Variants in SLCO1C1 observed in about 807,000 individuals in gnomAD.
SLCO1C1 encodes solute carrier organic anion transporter family member 1C1, also known as OAT-RP-5.
Under a neutral mutation model 76.4 loss-of-function variants are expected in SLCO1C1, and 70 were observed. That is an observed-to-expected ratio of 0.92 (90% CI 0.76 to 1.12). SLCO1C1 has a LOEUF of 1.12. Among genes scored for constraint, SLCO1C1 ranks in the 50% most tolerant of loss-of-function variants. The pLI, the probability that SLCO1C1 is intolerant of heterozygous loss-of-function variation, is 0.00. For missense variants in SLCO1C1, 912 were observed against 823.8 expected (o/e 1.11, Z -1.31); for synonymous variants, 306 against 286.1 (o/e 1.07, Z -0.70).
rs534760200 is a variant in SLCO1C1 at position 20,695,516 on chromosome 12, A to T, written c.-317A>T. 3.9e-5 allele frequency: 6 copies of T among 152,326 alleles called. No individual in the cohort carries two copies. In the South Asian group the frequency reaches 1.0e-3, roughly 26 times the overall value. 9.4% of individuals were successfully genotyped at this position (152,326 alleles called of 1,614,324 possible). On this transcript the variant is annotated 5_prime_UTR_variant, in exon 1 of 15. An upstream start codon of the reference 5' UTR is lost. Transcript: ENST00000266509. ...CTCTTTCTGTGCCCTGGGAGCTGAG[A>T]TGCACGTCAGTGGCCTTGCCAGCGT...
intron 3 of SLCO1C1, 65 bp downstream of exon 3, chr12:20,701,524 A>C (rs1592218628): frequency 1.6e-6 from 2 of 1,249,358 alleles, no homozygotes; most frequent in Non-Finnish European, 2.1e-6. Context: ...GCTAAAGAAC[A>C]CCTTCTGCAT....
chr12:20,713,773 G>C, intron 5 of SLCO1C1, among the ~76,000 whole-genome samples: 1 of 152,142 alleles, frequency 6.6e-6, no homozygotes, highest in Admixed American at 6.5e-5. Context: ...TGACTATTGG[G>C]TATTTGAAAT....
intron 5 of SLCO1C1, among the ~76,000 whole-genome samples, chr12:20,713,230 C>A (rs532005892): frequency 0.01 from 1,528 of 151,812 alleles, 17 homozygotes; most frequent in African/African-American, 0.035. Flanking sequence ...CAGGCGCCCG[C>A]TACCACGCCC....
At chr12:20,750,602 G>A in intron 13 of SLCO1C1, 73 bp from the exon 14 acceptor site, 2 of 1,339,326 alleles carry the variant, frequency 1.5e-6, no homozygotes, top group South Asian at 1.2e-5. Flanking sequence ...TAAAGTAAGT[G>A]GTTTCAGATA....
intron 13 of SLCO1C1, among the ~76,000 whole-genome samples, chr12:20,744,949 A>G (rs1016173922): frequency 1.3e-5 from 2 of 152,196 alleles, no homozygotes; most frequent in African/African-American, 2.4e-5. Flanking sequence ...TGAATGGGAA[A>G]AATCTATCTA....
chr12:20,741,348 A>G (rs527639880), intron 12 of SLCO1C1, among the ~76,000 whole-genome samples: 370 of 152,330 alleles, frequency 2.4e-3, no homozygotes, highest in African/African-American at 8.3e-3. Context: ...AGCTTCTTGC[A>G]TATTTATAAA....
chr12:20,700,652 A>G (rs1229197737), intron 2 of SLCO1C1, among the ~76,000 whole-genome samples: 1 of 151,266 alleles, frequency 6.6e-6, no homozygotes, highest in Admixed American at 6.6e-5. Flanking sequence ...GTGTGCTCCT[A>G]TTCTTTCTTT....
At chr12:20,720,082 G>C (rs938112385) in intron 7 of SLCO1C1, among the ~76,000 whole-genome samples, 7 of 152,122 alleles carry the variant, frequency 4.6e-5, no homozygotes, top group African/African-American at 1.7e-4. Context: ...CTACACATAG[G>C]CTCTTCCTGT....
chr12:20,706,210 C>T lies in SLCO1C1; in HGVS notation c.404+129C>T, dbSNP rs1946768824. ...CTTTGTCTTACTTTTATTACATTCT[C>T]TTTGGATAAAATTTCACAACAATTT... On this transcript the variant is annotated intron_variant, in intron 4 of 14. Coordinates refer to ENST00000266509, the MANE Select transcript of SLCO1C1 (RefSeq NM_017435.5). 3.4e-6 allele frequency: 4 copies of T among 1,181,360 alleles called. No individual in the cohort carries two copies. In the South Asian group the frequency reaches 8.5e-5, roughly 25 times the overall value. 73.2% of individuals were successfully genotyped at this position (1,181,360 alleles called of 1,614,324 possible). A position where few individuals can be genotyped will look rare whatever the true frequency, so the allele number is the denominator to read the frequency against.
At chr12:20,706,137 T>C in intron 4 of SLCO1C1, 56 bp downstream of exon 4, 5 of 1,516,580 alleles carry the variant, frequency 3.3e-6, no homozygotes, top group South Asian at 2.7e-5. Flanking sequence ...CATTTCTCCC[T>C]TTTATGATGA....
intron 4 of SLCO1C1, 123 bp downstream of exon 4, chr12:20,706,204 C>A: frequency 8.2e-7 from 1 of 1,218,234 alleles, no homozygotes; most frequent in Non-Finnish European, 1.1e-6. Context: ...ACTTTTATTA[C>A]ATTCTCTTTG....
At chr12:20,743,158 T>A in intron 12 of SLCO1C1, 147 bp from the exon 13 acceptor site, 1 of 603,390 alleles carries the variant, frequency 1.7e-6, no homozygotes. Context: ...TATTTTGCCC[T>A]CCCTATGTTA....
rs542734538 is a variant in SLCO1C1 at position 20,723,267 on chromosome 12, G to A, written c.1186+13G>A. 12 of 1,611,446 alleles carry A rather than the reference G, an allele frequency of 7.4e-6. No individual in the cohort carries two copies. The East Asian group carries it at 2.2e-4, about 30-fold the overall frequency. ...AACTTTGTGATCGGTATGCTCATCTGCCTTTCATGCTTTCTCAGAGGGACT... is the reference window on the plus strand; with the variant it reads ...AACTTTGTGATCGGTATGCTCATCTACCTTTCATGCTTTCTCAGAGGGACT... On this transcript the variant is annotated intron_variant, in intron 9 of 14. Transcript: ENST00000266509.
At chr12:20,749,492 A>G (rs986568041) in intron 13 of SLCO1C1, among the ~76,000 whole-genome samples, 3 of 152,222 alleles carry the variant, frequency 2.0e-5, no homozygotes, top group Admixed American at 6.5e-5. Context: ...GAAATCTCCT[A>G]GGTTTCAGCT....
chr12:20,750,765 G>A lies in SLCO1C1; in HGVS notation c.1889G>A (p.Cys630Tyr). 1 of 1,613,996 alleles carries A rather than the reference G, an allele frequency of 6.2e-7. No homozygotes were observed. Among genetic ancestry groups the A allele is most frequent in the Non-Finnish European group, 8.5e-7 (1 of 1,179,900 alleles). ...AAAAGATGTGGAAGTAGAGGATCAT[G>A]CAGATTATATGATTCAAATGTCTTC... The part of the protein sequence containing the change: ...GFKRCGSRGS[C>Y]RLYDSNVFRH... Residue 630 changes from cysteine to tyrosine, a missense_variant, in exon 14 of 15, where the codon TGC becomes TAC. Coordinates refer to ENST00000266509, the MANE Select transcript of SLCO1C1 (RefSeq NM_017435.5).
Position 20,730,226 on chromosome 12 carries a change from G to A in SLCO1C1, c.1187-2683G>A, listed in dbSNP as rs533191876. ...GGATGGAATTGAGAGAGAAAATGTA[G>A]GACCCTGCTGTTTGTGTCAGCTTTG... is the stretch of plus-strand genomic sequence containing the variant. On this transcript the variant is annotated intron_variant, in intron 9 of 14. Transcript: ENST00000266509. 3.9e-5 allele frequency among the ~76,000 whole-genome samples: 6 copies of A among 152,252 alleles called. No homozygotes were observed. In the East Asian group the frequency reaches 5.8e-4, roughly 15 times the overall value.
intron 7 of SLCO1C1, among the ~76,000 whole-genome samples, chr12:20,720,313 T>TA (rs1169710747): frequency 3.3e-5 from 5 of 152,246 alleles, no homozygotes; most frequent in Non-Finnish European, 4.4e-5. Context: ...CCTGCTAACA[T>TA]ACCGTCCATT....
intron 4 of SLCO1C1, among the ~76,000 whole-genome samples, chr12:20,709,371 G>T (rs890428097): frequency 3.4e-4 from 52 of 152,038 alleles, no homozygotes; most frequent in African/African-American, 1.2e-3. Flanking sequence ...CCAGTTATTT[G>T]AAATCAAAAT....
intron 9 of SLCO1C1, 62 bp downstream of exon 9, chr12:20,723,316 C>A: frequency 6.5e-7 from 1 of 1,541,672 alleles, no homozygotes; most frequent in South Asian, 1.2e-5. Context: ...CTGATTAACT[C>A]GGGAATCTTC....
Sources: gnomAD v4.1 joint callset for allele counts (sites outside exome capture counted in the v4.1 genomes callset) on GRCh38, gnomAD v4.1.1 for gene constraint, MANE v1.5 for transcripts, NCBI Gene and HGNC (gene_info 2026-07-23, HGNC 2026-07-21) for gene names.